Variants in ZCCHC2 observed in about 807,000 individuals in gnomAD.
ZCCHC2 encodes zinc finger CCHC domain-containing protein 2.
ZCCHC2 carries 39 observed loss-of-function variants against 103.6 expected under a neutral mutation model. The ratio of observed to expected loss-of-function variants is 0.38; its 90% CI spans 0.29 to 0.49. The LOEUF is 0.49. Among genes scored for constraint, ZCCHC2 ranks in the 20% least tolerant of loss-of-function variants. The pLI is 0.96. For synonymous variants in ZCCHC2, 687 were observed against 608.9 expected, an observed-to-expected ratio of 1.13 and a Z score of -1.89; for missense variants, 1,483 against 1,491.0, an observed-to-expected ratio of 0.99 and a Z score of 0.09.
intron 5 of ZCCHC2, chr18:62,551,225 CATT>C (rs1194291615): frequency 1.3e-5 from 2 of 152,136 alleles, no homozygotes; most frequent in Non-Finnish European, 2.9e-5. Context: ...GATGTAAAAT[CATT>C]ATGTGGAGAG....
intron 11 of ZCCHC2, among the ~76,000 whole-genome samples, chr18:62,566,966 A>G (rs1308056739): frequency 1.3e-5 from 2 of 152,008 alleles, no homozygotes; most frequent in Non-Finnish European, 2.9e-5. Context: ...AGCATCACAA[A>G]CTCCCATTCA....
At chr18:62,573,942 A>G (rs961874351) in intron 12 of ZCCHC2, 115 bp from the exon 13 acceptor site, 29 of 1,101,344 alleles carry the variant, frequency 2.6e-5, no homozygotes, top group Non-Finnish European at 3.6e-5. Flanking sequence ...GTCAGGAAAC[A>G]TAGAGGGACA....
chr18:62,548,246 C>CTA (rs1290872844), intron 4 of ZCCHC2, among the ~76,000 whole-genome samples: 113 of 151,358 alleles, frequency 7.5e-4, no homozygotes, highest in South Asian at 4.6e-3. Flanking sequence ...TGATTTAAAA[C>CTA]TGTATATATA....
intron 5 of ZCCHC2, 61 bp downstream of exon 5, chr18:62,550,521 A>C: frequency 8.0e-7 from 1 of 1,243,280 alleles, no homozygotes. Flanking sequence ...GCCGCTCCAA[A>C]TGGGGTCTTC....
rs902192638 is a variant in ZCCHC2, at chr18:62,523,625, C to A, written c.201C>A (p.Leu67=). ...CGCCGCCGCCGCCGCCCCGGGGACT[C>A]GGGCCGCCTGTTGCTGGTGGAGCGG... ...PLPPPPPPRG[L]GPPVAGGAAA... The change falls in exon 1 of 14, where the codon CTC becomes CTA. Residue 67 remains leucine (L), a synonymous_variant. Transcript: ENST00000269499. The A allele has an allele frequency of 4.5e-4, 545 of 1,216,260 alleles. No individual in the cohort carries two copies. The highest frequency in any genetic ancestry group is 5.4e-4 in the Non-Finnish European group (531 of 979,730). 75.3% of individuals were successfully genotyped at this position (1,216,260 alleles called of 1,614,324 possible).
intron 6 of ZCCHC2, among the ~76,000 whole-genome samples, chr18:62,557,222 G>A (rs1915923560): frequency 6.6e-6 from 1 of 152,090 alleles, no homozygotes; most frequent in Non-Finnish European, 1.5e-5. Context: ...ACCTCAGCCT[G>A]CCTTTTACAA....
intron 4 of ZCCHC2, among the ~76,000 whole-genome samples, chr18:62,547,203 G>A (rs1915451470): frequency 6.6e-6 from 1 of 151,906 alleles, no homozygotes; most frequent in Admixed American, 6.6e-5. Context: ...GCGGGCGCCT[G>A]TAATCACAGC....
intron 6 of ZCCHC2, among the ~76,000 whole-genome samples, chr18:62,556,611 G>C (rs1221682825): frequency 6.6e-6 from 1 of 152,134 alleles, no homozygotes; most frequent in African/African-American, 2.4e-5. Context: ...ACGTGCTGGT[G>C]TATGATCTAG....
rs777235809 is a variant in ZCCHC2 at position 62,556,205 on chromosome 18, A to C, written c.1316A>C (p.Gln439Pro). The change falls in exon 6 of 14, where the codon CAG (glutamine) becomes CCG (proline). Residue 439 changes from glutamine to proline, a missense_variant and splice_region_variant. By Grantham distance (76) the Gln-to-Pro change is moderately conservative (BLOSUM62 -1). Coordinates refer to ENST00000269499, the MANE Select transcript of ZCCHC2 (RefSeq NM_017742.6). ...RHPDLEPILRQLFSSSSQAFL... is the reference protein window; with the variant it reads ...RHPDLEPILRPLFSSSSQAFL... The stretch of plus-strand genomic sequence containing the variant: ...ATCTCTTTTCTTTTTATGTGCAGGC[A>C]GCTATTTTCAAGTTCATCACAAGCT... 1 of 1,595,934 alleles carries C rather than the reference A, an allele frequency of 6.3e-7. No individual in the cohort carries two copies. Among genetic ancestry groups the C allele is most frequent in the East Asian group, 2.2e-5 (1 of 44,516 alleles).
intron 4 of ZCCHC2, among the ~76,000 whole-genome samples, chr18:62,549,295 C>G (rs1321772058): frequency 6.6e-6 from 1 of 152,114 alleles, no homozygotes; most frequent in African/African-American, 2.4e-5. Context: ...TGTAGAATGC[C>G]GACAGAGTCT....
Position 62,575,065 on chromosome 18 carries a change from C to T in ZCCHC2, c.2984C>T (p.Thr995Met), listed in dbSNP as rs751400730. ...STSYISAVGN[T>M]NANGTVVPPQ... ...TCTTACATCAGTGCTGTGGGGAACACGAACGCTAATGGGACAGTAGTGCCA... is the reference window on the plus strand; with the variant it reads ...TCTTACATCAGTGCTGTGGGGAACATGAACGCTAATGGGACAGTAGTGCCA... Residue 995 changes from threonine (T) to methionine (M), a missense_variant, in exon 13 of 14, where the codon ACG (threonine) becomes ATG (methionine). Coordinates refer to ENST00000269499, the MANE Select transcript of ZCCHC2 (RefSeq NM_017742.6). The T allele has an allele frequency of 7.4e-6, 12 of 1,614,016 alleles. No homozygotes were observed. Among genetic ancestry groups the T allele is most frequent in the South Asian group, 1.1e-5 (1 of 91,082 alleles).
intron 11 of ZCCHC2, 104 bp from the exon 12 acceptor site, chr18:62,569,999 G>A (rs1349425580): frequency 3.3e-5 from 38 of 1,144,416 alleles, no homozygotes; most frequent in Non-Finnish European, 4.3e-5. Context: ...TGGTTGTGGG[G>A]AAACTGAAGA....
downstream of ZCCHC2, among the ~76,000 whole-genome samples, chr18:62,583,184 A>G (rs1349802560): frequency 6.6e-6 from 1 of 152,106 alleles, no homozygotes; most frequent in Non-Finnish European, 1.5e-5. Context: ...ATGGTGAGGA[A>G]CCTAGCAAAC....
chr18:62,583,842 G>C (rs1917097525), intron 14 of ZCCHC2, among the ~76,000 whole-genome samples: 1 of 152,138 alleles, frequency 6.6e-6, no homozygotes, highest in Non-Finnish European at 1.5e-5. Context: ...AGGATGAGGG[G>C]CTCTGGGGTC....
chr18:62,547,710 C>T (rs1300560727), intron 4 of ZCCHC2, among the ~76,000 whole-genome samples: 1 of 152,010 alleles, frequency 6.6e-6, no homozygotes, highest in African/African-American at 2.4e-5. Flanking sequence ...TACAGGCATG[C>T]ACCACCACAC....
intron 4 of ZCCHC2, among the ~76,000 whole-genome samples, chr18:62,547,880 T>G (rs956557080): frequency 6.6e-6 from 1 of 152,098 alleles, no homozygotes; most frequent in African/African-American, 2.4e-5. Flanking sequence ...TTTTTTCTTC[T>G]TAGCAATTAC....
downstream of ZCCHC2, among the ~76,000 whole-genome samples, chr18:62,580,589 C>T (rs112962658): frequency 3.5e-4 from 21 of 60,104 alleles, no homozygotes; most frequent in African/African-American, 1.5e-3. Context: ...GGACCCCTCC[C>T]GAGACGGTGT....
In ZCCHC2 at chr18:62,523,354, T is replaced by C; in HGVS notation, c.-71T>C. On this transcript the variant is annotated 5_prime_UTR_variant, in exon 1 of 14. Coordinates refer to ENST00000269499, the MANE Select transcript of ZCCHC2 (RefSeq NM_017742.6). ...CGCTCCTGACGGCCGCGCCGCCGCCTCGGCCCGTGCTCCACCTCGCGGCCC... is the reference window on the plus strand; with the variant it reads ...CGCTCCTGACGGCCGCGCCGCCGCCCCGGCCCGTGCTCCACCTCGCGGCCC... 1 of 980,060 alleles carries C rather than the reference T, an allele frequency of 1.0e-6. No individual in the cohort carries two copies. The allele number at this position is 980,060 out of a possible 1,614,324, so 60.7% of individuals were successfully genotyped here. A position where few individuals can be genotyped will look rare whatever the true frequency, so the allele number is the denominator to read the frequency against.
rs369581993 is a variant in ZCCHC2 at position 62,550,433 on chromosome 18, G to C, written c.1286G>C (p.Arg429Pro). Reference protein sequence around the residue: ...NQGSLKREERRHPDLEPILRQ... With the variant: ...NQGSLKREERPHPDLEPILRQ... ...GGTTCCTTGAAAAGGGAGGAACGGC[G>C]ACATCCTGACCTAGAGCCCATCCTA... The change falls in exon 5 of 14, where the codon CGA becomes CCA. Residue 429 changes from arginine (R) to proline (P), a missense_variant. Coordinates refer to ENST00000269499, the MANE Select transcript of ZCCHC2 (RefSeq NM_017742.6). 1 of 1,613,474 alleles carries C rather than the reference G, an allele frequency of 6.2e-7. No homozygotes were observed. The highest frequency in any genetic ancestry group is 2.2e-5 in the East Asian group (1 of 44,876).
Sources: gnomAD v4.1 joint callset for allele counts (sites outside exome capture counted in the v4.1 genomes callset) on GRCh38, gnomAD v4.1.1 for gene constraint, MANE v1.5 for transcripts, NCBI Gene and HGNC (gene_info 2026-07-23, HGNC 2026-07-21) for gene names.